BRCA1: variants seen among roughly 807,000 people sequenced by gnomAD.
BRCA1 encodes breast cancer type 1 susceptibility protein.
In BRCA1, 140 loss-of-function variants were observed where a neutral mutation model predicts 173.7. The observed-to-expected ratio is 0.81, with a 90% CI of 0.70 to 0.93. BRCA1 has a LOEUF of 0.93. BRCA1 is among the 40% of genes least tolerant of loss of function. BRCA1 has a pLI of 0.00. For missense variants in BRCA1, 1,983 were observed against 2,172.5 expected (o/e 0.91, Z 1.73); for synonymous variants, 662 against 756.0 (o/e 0.88, Z 2.04).
At chr17:43,104,066 AAAAGAAAAAAAAAAGAAAAG>A (rs1406492448) in intron 6 of BRCA1, 36 bp downstream of exon 6, 1 of 812,278 alleles carries the variant, frequency 1.2e-6, no homozygotes, top group Admixed American at 2.8e-5. Flanking sequence ...TCAAAAAAAA[AAAAGAAAAAAAAAAGAAAAG>A]AAGAAGAAGA....
rs80356875 is a variant in BRCA1, at chr17:43,093,373, C to T, written c.2158G>A (p.Glu720Lys). 1 of 1,613,974 alleles carries T rather than the reference C, an allele frequency of 6.2e-7. No individual in the cohort carries two copies. Among genetic ancestry groups the T allele is most frequent in the Non-Finnish European group, 8.5e-7 (1 of 1,179,976 alleles). ...TKCSNTSELK[E>K]FVNPSLPREE... The stretch of plus-strand genomic sequence containing the variant: ...CTTGGAAGGCTAGGATTGACAAATT[C>T]TTTAAGTTCACTGGTATTTGAACAC... Residue 720 changes from glutamate (E) to lysine (K), a missense_variant, in exon 10 of 23, where the codon GAA (glutamate) becomes AAA (lysine). Transcript: ENST00000357654.
intron 22 of BRCA1, among the ~76,000 whole-genome samples, chr17:43,046,294 GAT>G (rs1332541394): frequency 7.3e-6 from 1 of 136,960 alleles, no homozygotes; most frequent in Non-Finnish European, 1.5e-5. Flanking sequence ...GCAATGGCAC[GAT>G]CTCAGCTCAC....
At chr17:43,140,117 C>T (rs919132882) in intron 1 of BRCA1, 2 of 326,388 alleles carry the variant, frequency 6.1e-6, no homozygotes, top group Admixed American at 4.1e-5. Context: ...AGCTGGAGCT[C>T]GATCATGCCT....
chr17:43,152,660 C>G (rs2154581619), intron 1 of BRCA1, among the ~76,000 whole-genome samples: 1 of 152,286 alleles, frequency 6.6e-6, no homozygotes, highest in Non-Finnish European at 1.5e-5. Context: ...CGAGACCATC[C>G]TGGCTAACAC....
At chr17:43,084,744 C>G (rs965717150) in intron 11 of BRCA1, among the ~76,000 whole-genome samples, 1 of 152,192 alleles carries the variant, frequency 6.6e-6, no homozygotes, top group Non-Finnish European at 1.5e-5. Flanking sequence ...AGGTCTGCAG[C>G]AATGCCATTG....
intron 16 of BRCA1, among the ~76,000 whole-genome samples, chr17:43,064,293 T>C (rs1184809480): frequency 6.6e-6 from 1 of 152,210 alleles, no homozygotes; most frequent in African/African-American, 2.4e-5. Context: ...ATAGTTTTGA[T>C]TAATGTGGAC....
rs55909400 is a variant in BRCA1 at position 43,092,185 on chromosome 17, C to G, written c.3346G>C (p.Val1116Leu). The G allele has an allele frequency of 8.7e-6, 14 of 1,612,984 alleles. No homozygotes were observed. In the African/African-American group the frequency reaches 1.6e-4, roughly 18 times the overall value. Residue 1116 changes from valine to leucine, a missense_variant, in exon 10 of 23, where the codon GTA becomes CTA. Physicochemically the swap from Val to Leu is conservative, Grantham distance 32. Coordinates refer to ENST00000357654, the MANE Select transcript of BRCA1 (RefSeq NM_007294.4). ...PEIKKQEYEE[V>L]VQTVNTDFSP... ...AAATCTGTATTAACAGTCTGAACTACTTCTTCATATTCTTGCTTTTTTATT... is the reference window on the plus strand; with the variant it reads ...AAATCTGTATTAACAGTCTGAACTAGTTCTTCATATTCTTGCTTTTTTATT...
chr17:43,140,662 G>A (rs1463151861), intron 1 of BRCA1, among the ~76,000 whole-genome samples: 1 of 152,238 alleles, frequency 6.6e-6, no homozygotes, highest in Middle Eastern at 3.4e-3. Context: ...CAGAACCACG[G>A]CTGGCTCCAC....
intron 18 of BRCA1, among the ~76,000 whole-genome samples, chr17:43,058,014 T>C (rs555228568): frequency 1.9e-5 from 2 of 104,676 alleles, no homozygotes; most frequent in Non-Finnish European, 1.7e-5. Context: ...AGTGAAACTC[T>C]GTCTCAAAAA....
chr17:43,075,564 CT>C (rs900303700), intron 13 of BRCA1, among the ~76,000 whole-genome samples: 67 of 145,866 alleles, frequency 4.6e-4, no homozygotes, highest in South Asian at 4.3e-4. Context: ...CTCTCTCTCT[CT>C]TTTTTTTTTT....
At chr17:43,100,587 T>TATATATATTATATATATATAACAC (rs1567807130) in intron 6 of BRCA1, among the ~76,000 whole-genome samples, 1 of 95,524 alleles carries the variant, frequency 1.0e-5, no homozygotes, top group African/African-American at 4.4e-5. Context: ...ATATATAACA[T>TATATATATTATATATATATAACAC]ATATATATTA....
At chr17:43,152,376 A>G (rs762550960) in intron 1 of BRCA1, among the ~76,000 whole-genome samples, 34 of 152,202 alleles carry the variant, frequency 2.2e-4, no homozygotes, top group Admixed American at 6.5e-4. Flanking sequence ...CTTTTCCAAC[A>G]CATCTAGCAA....
intron 1 of BRCA1, among the ~76,000 whole-genome samples, chr17:43,131,029 C>G (rs1421006998): frequency 6.6e-6 from 1 of 152,160 alleles, no homozygotes; most frequent in Non-Finnish European, 1.5e-5. Flanking sequence ...TGCTGATACT[C>G]TGGGTGTGTT....
chr17:43,119,625 C>T (rs543749843), intron 2 of BRCA1, among the ~76,000 whole-genome samples: 3 of 151,914 alleles, frequency 2.0e-5, no homozygotes, highest in African/African-American at 7.3e-5. Context: ...CTTGTACCAA[C>T]ATTGGTATTA....
chr17:43,079,905 A>G, intron 12 of BRCA1: 2 of 633,910 alleles, frequency 3.2e-6, no homozygotes, highest in South Asian at 3.7e-5. Flanking sequence ...CAATGAAGCA[A>G]ATAAGATAAC....
rs587780799 is a variant in BRCA1 at position 43,092,588 on chromosome 17, T to A, written c.2943A>T (p.Pro981=). ...HGLLQNPYRI[P]PLFPIKSFVK... ...CAAATGACTTGATGGGAAAAAGTGG[T>A]GGTATACGATATGGGTTTTGTAAAA... The change falls in exon 10 of 23, where the codon CCA becomes CCT. Residue 981 remains proline (P), a synonymous_variant. Coordinates refer to ENST00000357654, the MANE Select transcript of BRCA1 (RefSeq NM_007294.4). The A allele has an allele frequency of 3.7e-6, 6 of 1,613,948 alleles. No homozygotes were observed. The highest frequency in any genetic ancestry group is 4.2e-6 in the Non-Finnish European group (5 of 1,180,002).
intron 1 of BRCA1, among the ~76,000 whole-genome samples, chr17:43,145,898 A>G (rs2056118717): frequency 6.6e-6 from 1 of 152,194 alleles, no homozygotes; most frequent in Admixed American, 6.5e-5. Flanking sequence ...TACAAAGCAT[A>G]TTAAATGGCA....
chr17:43,104,055 C>G (rs1459256031), intron 6 of BRCA1, 67 bp downstream of exon 6: 1 of 1,494,848 alleles, frequency 6.7e-7, no homozygotes, highest in African/African-American at 1.8e-5. Flanking sequence ...AAGACTCCAT[C>G]TCAAAAAAAA....
At chr17:43,103,634 C>T (rs776316151) in intron 6 of BRCA1, among the ~76,000 whole-genome samples, 1 of 152,062 alleles carries the variant, frequency 6.6e-6, no homozygotes, top group African/African-American at 2.4e-5. Flanking sequence ...AGGTCTCTCT[C>T]TTGATTATAT....
Sources: allele counts gnomAD v4.1 joint callset (sites outside exome capture counted in the v4.1 genomes callset), GRCh38; gene constraint gnomAD v4.1.1; transcripts MANE v1.5; gene names NCBI Gene and HGNC (gene_info 2026-07-23, HGNC 2026-07-21).